KLF8: variants seen among roughly 807,000 people sequenced by gnomAD.
KLF8 encodes Krueppel-like factor 8.
KLF8 carries 10 observed loss-of-function variants against 18.2 expected under a neutral mutation model. The observed-to-expected ratio is 0.55, with a 90% CI of 0.34 to 0.93. The LOEUF (loss-of-function observed/expected upper bound fraction) is 0.93. KLF8 is among the 40% of genes least tolerant of loss of function. The pLI is 0.02. For synonymous variants in KLF8, 109 were observed against 97.3 expected (o/e 1.12, Z -0.71); for missense variants, 264 against 277.9 (o/e 0.95, Z 0.36).
At chrX:56,195,064 A>G in the KLF8 span, among the ~76,000 whole-genome samples, 2 of 111,707 alleles carry the variant, frequency 1.8e-5, no homozygotes, top group East Asian at 5.6e-4. Flanking sequence ...CTACATCAAA[A>G]CCCCATCTGT....
chrX:55,936,874 C>T, the KLF8 span, among the ~76,000 whole-genome samples: 26 of 111,993 alleles, frequency 2.3e-4, 1 homozygote, highest in Middle Eastern at 0.014. Context: ...ACAAAGCAGC[C>T]GGGAAACTCG....
rs2066686220 is a variant in KLF8 at position 56,250,215 on chromosome X, C to T, written c.8-16C>T. The T allele has an allele frequency of 6.0e-6, 7 of 1,168,437 alleles. No individual in the cohort carries two copies. Among genetic ancestry groups the T allele is most frequent in the South Asian group, 1.8e-5 (1 of 54,130 alleles). On this transcript the variant is annotated splice_polypyrimidine_tract_variant and intron_variant, in intron 1 of 5. Transcript: ENST00000468660. ...ATTTTATTCTGAAAGTTGTCTTTTC[C>T]TTTTCTCTTTTCCAGATATGGATAA...
At chrX:56,186,468 G>A in the KLF8 span, among the ~76,000 whole-genome samples, 1 of 111,037 alleles carries the variant, frequency 9.0e-6, no homozygotes, top group East Asian at 2.8e-4. Context: ...ACAGATCAAC[G>A]AGACAGAAAG....
the KLF8 span, among the ~76,000 whole-genome samples, chrX:56,027,727 G>A: frequency 7.1e-5 from 8 of 112,381 alleles, no homozygotes; most frequent in East Asian, 8.4e-4. Context: ...GGCTGGTCTC[G>A]AAGATCCGGT....
Position 56,233,340 on chromosome X carries a change from C to G in KLF8, c.6C>G (p.Val2=). 1 of 1,182,741 alleles carries G rather than the reference C, an allele frequency of 8.5e-7. No individual in the cohort carries two copies. Among genetic ancestry groups the G allele is most frequent in the Non-Finnish European group, 1.2e-6 (1 of 869,245 alleles). M[V]DMDKLINNLE... ...AGGAGTCCTCAGCTAGTGACATGGT[C>G]GGTAAGTGACTCTGGGACTAATACC... The change falls in exon 1 of 6, where the codon GTC becomes GTG. Residue 2 remains valine (V), a splice_region_variant and synonymous_variant. Coordinates refer to ENST00000468660, the MANE Select transcript of KLF8 (RefSeq NM_007250.5).
At chrX:55,998,210 G>A in the KLF8 span, among the ~76,000 whole-genome samples, 7 of 111,828 alleles carry the variant, frequency 6.3e-5, no homozygotes, top group East Asian at 2.0e-3. Flanking sequence ...GTTTTATACC[G>A]AGACATTCCA....
At chrX:56,166,953 T>A in the KLF8 span, among the ~76,000 whole-genome samples, 1 of 111,041 alleles carries the variant, frequency 9.0e-6, no homozygotes, top group South Asian at 3.8e-4. Flanking sequence ...CAATCAAGTG[T>A]CTATGAGTTC....
At chrX:56,281,760 G>A (rs2067204678) in intron 5 of KLF8, among the ~76,000 whole-genome samples, 1 of 112,416 alleles carries the variant, frequency 8.9e-6, no homozygotes, top group Non-Finnish European at 1.9e-5. Flanking sequence ...TTTATATTAT[G>A]AATTCTTTCT....
At chrX:55,960,041 G>A in the KLF8 span, among the ~76,000 whole-genome samples, 1 of 112,114 alleles carries the variant, frequency 8.9e-6, no homozygotes, top group Non-Finnish European at 1.9e-5. Context: ...GCTAACTTAA[G>A]TGAGTCTTTC....
chrX:56,200,186 C>A, the KLF8 span, among the ~76,000 whole-genome samples: 4 of 109,950 alleles, frequency 3.6e-5, no homozygotes, highest in Non-Finnish European at 7.6e-5. Context: ...ACCTATGTAC[C>A]AAACCTGCTC....
At chrX:56,163,059 A>T in the KLF8 span, among the ~76,000 whole-genome samples, 8 of 112,267 alleles carry the variant, frequency 7.1e-5, no homozygotes, top group Admixed American at 5.7e-4. Flanking sequence ...AAACACATGC[A>T]TGTATGTGTC....
the KLF8 span, among the ~76,000 whole-genome samples, chrX:55,974,547 G>C: frequency 9.0e-6 from 1 of 111,284 alleles, no homozygotes; most frequent in Non-Finnish European, 1.9e-5. Flanking sequence ...CACTGTGTTT[G>C]GTCATTTATA....
the KLF8 span, among the ~76,000 whole-genome samples, chrX:56,092,990 C>T: frequency 9.7e-6 from 1 of 102,953 alleles, no homozygotes; most frequent in African/African-American, 3.6e-5. Flanking sequence ...ATTACCAAAA[C>T]TTAAATGCAA....
chrX:56,270,591 T>C lies in KLF8; in HGVS notation c.898+270T>C, dbSNP rs192498823. Reference sequence around the variant, plus strand: ...AAACTGGCCTAGGAAAACACTAAACTAAATCTGGTGTCTTAATAGTCATCA... The same window carrying C: ...AAACTGGCCTAGGAAAACACTAAACCAAATCTGGTGTCTTAATAGTCATCA... On this transcript the variant is annotated intron_variant, in intron 5 of 5. Transcript: ENST00000468660. 4.0e-4 allele frequency among the ~76,000 whole-genome samples: 44 copies of C among 111,077 alleles called. No homozygotes were observed. In the Admixed American group the frequency reaches 4.1e-3, roughly 10 times the overall value.
chrX:56,154,050 T>C, the KLF8 span, among the ~76,000 whole-genome samples: 1 of 111,178 alleles, frequency 9.0e-6, no homozygotes, highest in African/African-American at 3.3e-5. Context: ...AAGCCACCAA[T>C]GACTTTCTTC....
chrX:55,938,248 C>A, the KLF8 span, among the ~76,000 whole-genome samples: 2 of 111,523 alleles, frequency 1.8e-5, no homozygotes, highest in Admixed American at 9.5e-5. Context: ...GAATTTTCAA[C>A]CCAGAATTTC....
the KLF8 span, among the ~76,000 whole-genome samples, chrX:56,132,476 C>A: frequency 9.0e-6 from 1 of 111,223 alleles, no homozygotes; most frequent in East Asian, 2.8e-4. Flanking sequence ...CTCTGGGAAG[C>A]AGCAAAAGAA....
chrX:56,150,123 C>A, the KLF8 span, among the ~76,000 whole-genome samples: 2 of 111,411 alleles, frequency 1.8e-5, no homozygotes, highest in East Asian at 5.7e-4. Flanking sequence ...TTTACAATCT[C>A]TTCAAGTCAA....
chrX:56,099,666 C>T, the KLF8 span, among the ~76,000 whole-genome samples: 2 of 111,683 alleles, frequency 1.8e-5, no homozygotes, highest in Admixed American at 9.6e-5. Context: ...GCAAAACAGC[C>T]TTGTTGATGA....
Sources: allele counts gnomAD v4.1 joint callset (sites outside exome capture counted in the v4.1 genomes callset), GRCh38; gene constraint gnomAD v4.1.1; transcripts MANE v1.5; gene names NCBI Gene and HGNC (gene_info 2026-07-23, HGNC 2026-07-21).